The following CRIP2 variants were observed in gnomAD, a reference collection of about 807,000 sequenced individuals.
CRIP2 encodes the protein cysteine rich protein 2.
In CRIP2, 31 loss-of-function variants were observed where a neutral mutation model predicts 31.3. The ratio of observed to expected loss-of-function variants is 0.99; its 90% confidence interval spans 0.74 to 1.34. The LOEUF (loss-of-function observed/expected upper bound fraction) is 1.34, where lower values mean the gene tolerates loss of function less well. Ranked by LOEUF, CRIP2 falls within the 40% of genes most tolerant of loss-of-function variation. The pLI is 0.00. For synonymous variants in CRIP2, 177 were observed against 127.2 expected (o/e 1.39, Z -2.63); for missense variants, 389 against 301.6 (o/e 1.29, Z -2.15).
intron 1 of CRIP2, chr14:105,476,233 G>A: frequency 1.0e-6 from 1 of 985,446 alleles, no homozygotes; most frequent in Non-Finnish European, 1.2e-6. Flanking sequence ...GCTCTCCAGG[G>A]TCTCGGCCAA....
Position 105,477,543 on chromosome 14 carries a change from G to T in CRIP2, c.44-723G>T, listed in dbSNP as rs1040140039. The stretch of plus-strand genomic sequence containing the variant: ...TGGTGGGGATCAGGGGCGTGTCAGT[G>T]CGAGGCAGGTGTGAGAGGGAGAGCA... On this transcript the variant is annotated intron_variant, in intron 1 of 7. Coordinates refer to ENST00000329146, the MANE Select transcript of CRIP2 (RefSeq NM_001312.4). 17 of 984,492 alleles carry T rather than the reference G, an allele frequency of 1.7e-5. No individual in the cohort carries two copies. In the African/African-American group the frequency reaches 3.0e-4, roughly 17 times the overall value. 61.0% of individuals were successfully genotyped at this position (984,492 alleles called of 1,614,324 possible).
In CRIP2 at chr14:105,474,991, C is replaced by T; in HGVS notation, c.43+86C>T. 1 of 1,322,712 alleles carries T rather than the reference C, an allele frequency of 7.6e-7. No homozygotes were observed. The highest frequency in any genetic ancestry group is 9.7e-7 in the Non-Finnish European group (1 of 1,026,650). 81.9% of individuals were successfully genotyped at this position (1,322,712 alleles called of 1,614,324 possible). Reference sequence around the variant, plus strand: ...CGCGCCGCAGAGCCGCGGCGTAACTCGGGGTGCGCCCGGCCCCGGCCCCGG... The same window carrying T: ...CGCGCCGCAGAGCCGCGGCGTAACTTGGGGTGCGCCCGGCCCCGGCCCCGG... On this transcript the variant is annotated intron_variant, in intron 1 of 7. Transcript: ENST00000329146. The surrounding 1 kb of genome is among the most constrained non-coding windows in gnomAD (Gnocchi z 5.1).
upstream of CRIP2, chr14:105,473,203 T>A (rs879968587): frequency 5.2e-6 from 8 of 1,532,548 alleles, no homozygotes; most frequent in Admixed American, 1.4e-4. Flanking sequence ...TAGGGACCCC[T>A]GGGCCTGCCA....
At chr14:105,472,964 C>G, upstream of CRIP2, 3 of 565,394 alleles carry the variant, frequency 5.3e-6, no homozygotes, top group Non-Finnish European at 9.5e-6. Context: ...TCTGGCAGGG[C>G]TGGGGACCTT....
At chr14:105,474,702 G>T (rs2083894128), upstream of CRIP2, 4 of 943,200 alleles carry the variant, frequency 4.2e-6, no homozygotes, top group Non-Finnish European at 3.8e-6. The surrounding 1 kb of genome is among the most constrained non-coding windows in gnomAD (Gnocchi z 5.1). Context: ...CCCCCGCGGC[G>T]CCCCCAGGCG....
chr14:105,479,411 CCT>C (rs2084038654), intron 6 of CRIP2, 23 bp from the exon 7 acceptor site: 1 of 1,612,524 alleles, frequency 6.2e-7, no homozygotes, highest in African/African-American at 1.3e-5. Flanking sequence ...TGGACTCCTC[CCT>C]CAGCACCCAC....
chr14:105,476,887 G>A, intron 1 of CRIP2: 1 of 538,726 alleles, frequency 1.9e-6, no homozygotes, highest in Non-Finnish European at 2.4e-6. Context: ...AGTATTCACA[G>A]CCCTCTACCT....
At chr14:105,474,650 C>T (rs1211742862), upstream of CRIP2, 5 of 407,912 alleles carry the variant, frequency 1.2e-5, no homozygotes, top group South Asian at 1.0e-4. The surrounding 1 kb of genome is among the most constrained non-coding windows in gnomAD (Gnocchi z 5.1). Context: ...CCAGGCCTGG[C>T]CCGGCTGCCC....
upstream of CRIP2, chr14:105,473,652 C>T: frequency 4.3e-6 from 5 of 1,153,710 alleles, no homozygotes; most frequent in Non-Finnish European, 6.0e-6. Flanking sequence ...GGCCAGAAGG[C>T]TCAGAGAAGG....
At position 105,478,244 on chromosome 14, in the gene CRIP2, C is replaced by G. The variant is rs782703296; in HGVS notation, c.44-22C>G. 6.6e-7 allele frequency: 1 copy of G among 1,521,478 alleles called. No individual in the cohort carries two copies. Among genetic ancestry groups the G allele is most frequent in the Non-Finnish European group, 8.8e-7 (1 of 1,137,274 alleles). The allele number at this position is 1,521,478 out of a possible 1,614,324, so 94.2% of individuals were successfully genotyped here. On this transcript the variant is annotated intron_variant, in intron 1 of 7. Transcript: ENST00000329146. This position sits in a 1 kb window ranked among gnomAD's most constrained non-coding sequence, Gnocchi z 4.9. ...GCGGGGCGCGCCCCGGCCCTGACCCCCCTGCCGCCCCTCCCGCTCAGCCGA... is the reference window on the plus strand; with the variant it reads ...GCGGGGCGCGCCCCGGCCCTGACCCGCCTGCCGCCCCTCCCGCTCAGCCGA...
At position 105,479,120 on chromosome 14, in the gene CRIP2, T is replaced by G. The variant is rs782506912; in HGVS notation, c.407-5T>G. On this transcript the variant is annotated splice_polypyrimidine_tract_variant and splice_region_variant and intron_variant, in intron 5 of 7. Transcript: ENST00000329146. ...GGGCTCGGCCTCACTCCTCCCCCTT[T>G]CCAGCTGAGAAGGTGACGTCTCTGG... 1 of 1,611,292 alleles carries G rather than the reference T, an allele frequency of 6.2e-7. No individual in the cohort carries two copies. The highest frequency in any genetic ancestry group is 1.1e-5 in the South Asian group (1 of 91,030).
upstream of CRIP2, chr14:105,474,063 C>G (rs1195254130): frequency 1.3e-5 from 2 of 156,954 alleles, no homozygotes; most frequent in African/African-American, 4.8e-5. This position sits in a 1 kb window ranked among gnomAD's most constrained non-coding sequence, Gnocchi z 5.1. Flanking sequence ...GCGCTGGTGC[C>G]CGCCGCCCCT....
rs1165814873 is a variant in CRIP2 at position 105,478,694 on chromosome 14, C to A, written c.197-37C>A. 1.4e-6 allele frequency: 2 copies of A among 1,441,514 alleles called. No individual in the cohort carries two copies. The highest frequency in any genetic ancestry group is 1.8e-6 in the Non-Finnish European group (2 of 1,099,968). The allele number at this position is 1,441,514 out of a possible 1,614,324, so 89.3% of individuals were successfully genotyped here. A position where few individuals can be genotyped will look rare whatever the true frequency, so the allele number is the denominator to read the frequency against. On this transcript the variant is annotated intron_variant, in intron 3 of 7. Transcript: ENST00000329146. This position sits in a 1 kb window ranked among gnomAD's most constrained non-coding sequence, Gnocchi z 4.9. ...AGATGCCCGGTGGCCGCGGCCCCCA[C>A]CCCACGTACCCCCGCCCCACGTACC... is the stretch of plus-strand genomic sequence containing the variant.
chr14:105,473,464 C>T, upstream of CRIP2: 1 of 1,535,682 alleles, frequency 6.5e-7, no homozygotes, highest in Non-Finnish European at 8.7e-7. Context: ...GCACCGAGGG[C>T]CTCTGGTTGG....
chr14:105,476,533 C>G (rs1225332124), intron 1 of CRIP2: 3 of 985,410 alleles, frequency 3.0e-6, no homozygotes, highest in Non-Finnish European at 1.2e-6. Context: ...ATTCTGTGTT[C>G]CCAACTCGGA....
At chr14:105,473,965 CTCCTTCCCT>C (rs1457696069), upstream of CRIP2, among the ~76,000 whole-genome samples, 2 of 152,330 alleles carry the variant, frequency 1.3e-5, no homozygotes, top group Admixed American at 1.3e-4. Flanking sequence ...ACTCCTTCCC[CTCCTTCCCT>C]TCCTAACTCC....
At position 105,479,794 on chromosome 14, in the gene CRIP2, G is replaced by C; in HGVS notation, c.*141G>C. The C allele has an allele frequency of 1.1e-6, 1 of 884,996 alleles. No individual in the cohort carries two copies. Among genetic ancestry groups the C allele is most frequent in the Non-Finnish European group, 1.7e-6 (1 of 571,890 alleles). 54.8% of individuals were successfully genotyped at this position (884,996 alleles called of 1,614,324 possible). On this transcript the variant is annotated 3_prime_UTR_variant, in exon 8 of 8. Transcript: ENST00000329146. ...CGAGTATTGGAGGAGGGGCAGCCACGGGCAGAGCACCATGCCCATCCCCGA... is the reference window on the plus strand; with the variant it reads ...CGAGTATTGGAGGAGGGGCAGCCACCGGCAGAGCACCATGCCCATCCCCGA...
chr14:105,479,456 C>T lies in CRIP2; in HGVS notation c.522C>T (p.Cys174=), dbSNP rs376270982. ...CCCAGCACGACGGCCAGCCCTACTG[C>T]CACAAGCCCTGCTATGGAATCCTCT... ...GHAEHDGQPY[C]HKPCYGILFG... The change falls in exon 7 of 8, where the codon TGC becomes TGT. Residue 174 remains cysteine (C), a synonymous_variant. Coordinates refer to ENST00000329146, the MANE Select transcript of CRIP2 (RefSeq NM_001312.4). 4.5e-5 allele frequency: 72 copies of T among 1,612,848 alleles called. No homozygotes were observed. The African/African-American group carries it at 6.1e-4, about 14-fold the overall frequency.
chr14:105,473,053 CCCCACAGGTAGCA>C (rs1471934247), upstream of CRIP2: 1 of 308,090 alleles, frequency 3.2e-6, no homozygotes, highest in African/African-American at 3.2e-5. Context: ...AGGTAGCAAG[CCCCACAGGTAGCA>C]AAGTCAGGGA....
Sources: gnomAD v4.1 joint callset for allele counts (sites outside exome capture counted in the v4.1 genomes callset) on GRCh38, gnomAD v4.1.1 for gene constraint, Gnocchi (gnomAD v3.1) non-coding constraint, MANE v1.5 for transcripts, NCBI Gene and HGNC (gene_info 2026-07-23, HGNC 2026-07-21) for gene names.